The following CC2D2B variants were observed in gnomAD, a reference collection of about 807,000 sequenced individuals.
CC2D2B encodes the protein coiled-coil and C2 domain containing 2B.
Under a neutral mutation model 161.2 loss-of-function variants are expected in CC2D2B, and 128 were observed. That is an observed-to-expected ratio of 0.79 (90% confidence interval 0.69 to 0.92). The LOEUF (loss-of-function observed/expected upper bound fraction) is 0.92, where lower values mean the gene tolerates loss of function less well. Ranked by LOEUF, CC2D2B falls within the 40% of genes least tolerant of loss-of-function variation. The pLI, the probability that CC2D2B is intolerant of heterozygous loss-of-function variation, is 0.00. For synonymous variants in CC2D2B, 391 were observed against 449.8 expected (o/e 0.87, Z 1.65); for missense variants, 1,173 against 1,375.1 (o/e 0.85, Z 2.32).
At chr10:95,924,521 C>A (rs1590359634) in intron 4 of CC2D2B, 131 bp downstream of exon 4, 1 of 560,090 alleles carries the variant, frequency 1.8e-6, no homozygotes, top group Middle Eastern at 4.8e-4. Flanking sequence ...AAGTCTTCCT[C>A]TCTCTCTCTA....
rs183088212 is a variant in CC2D2B at position 96,014,991 on chromosome 10, C to A, written c.3516+1114C>A. 2.0e-3 allele frequency among the ~76,000 whole-genome samples: 310 copies of A among 152,224 alleles called. 2 individuals carry two copies. The highest frequency in any genetic ancestry group is 6.3e-3 in the African/African-American group (260 of 41,536). On this transcript the variant is annotated intron_variant, in intron 29 of 34. Coordinates refer to ENST00000646931, the MANE Select transcript of CC2D2B (RefSeq NM_001349008.3). ...ATAGTCATTGCCATGAGCTCTATAGCTCCCCACCCCTTATCCCCACCTCCC... is the reference window on the plus strand; with the variant it reads ...ATAGTCATTGCCATGAGCTCTATAGATCCCCACCCCTTATCCCCACCTCCC...
chr10:96,010,236 T>C (rs2078927532), intron 26 of CC2D2B, among the ~76,000 whole-genome samples: 1 of 152,334 alleles, frequency 6.6e-6, no homozygotes, highest in African/African-American at 2.4e-5. Context: ...TTTGTAATCA[T>C]GGGTACCAGG....
Position 95,966,236 on chromosome 10 carries a change from A to G in CC2D2B, c.1400A>G (p.Lys467Arg). The change falls in exon 14 of 35, where the codon AAG becomes AGG. Residue 467 changes from lysine (K) to arginine (R), a missense_variant. Coordinates refer to ENST00000646931, the MANE Select transcript of CC2D2B (RefSeq NM_001349008.3). ...ASDETEIERIKPITLRPQLSF... is the reference protein window; with the variant it reads ...ASDETEIERIRPITLRPQLSF... ...GACGAAACAGAAATTGAAAGAATAA[A>G]GCCAATTACCTTGAGGCCACAACTT... 4.9e-6 allele frequency: 6 copies of G among 1,228,834 alleles called. No individual in the cohort carries two copies. Among genetic ancestry groups the G allele is most frequent in the Non-Finnish European group, 6.1e-6 (6 of 985,244 alleles). 76.1% of individuals were successfully genotyped at this position (1,228,834 alleles called of 1,614,324 possible).
intron 17 of CC2D2B, among the ~76,000 whole-genome samples, chr10:95,976,656 G>A (rs943344465): frequency 1.3e-5 from 2 of 152,222 alleles, no homozygotes; most frequent in African/African-American, 4.8e-5. Context: ...CTGAAAGGCA[G>A]TTTTGTTACT....
At chr10:96,007,216 C>T (rs1234694093) in intron 25 of CC2D2B, among the ~76,000 whole-genome samples, 34 of 152,146 alleles carry the variant, frequency 2.2e-4, no homozygotes, top group Non-Finnish European at 1.5e-5. Flanking sequence ...TGTGTTATCC[C>T]TCTCTATGTG....
At position 95,974,081 on chromosome 10, in the gene CC2D2B, C is replaced by T. The variant is rs186301373; in HGVS notation, c.1868C>T (p.Ser623Phe). Residue 623 changes from serine to phenylalanine, a missense_variant, in exon 17 of 35, where the codon TCT becomes TTT. Around this residue, in one of 3 missense-constraint regions of CC2D2B, gnomAD observed 277 missense variants for 420.6 expected, o/e 0.66. Coordinates refer to ENST00000646931, the MANE Select transcript of CC2D2B (RefSeq NM_001349008.3). ...CLLTSGKLSYSLSWSLDENGL... is the reference protein window; with the variant it reads ...CLLTSGKLSYFLSWSLDENGL... ...TTGACATCAGGAAAACTTAGCTATT[C>T]TCTATCATGGAGCTTAGATGAAAAT... 1.6e-6 allele frequency: 2 copies of T among 1,230,248 alleles called. No homozygotes were observed. The highest frequency in any genetic ancestry group is 6.3e-5 in the East Asian group (2 of 31,674). The allele number at this position is 1,230,248 out of a possible 1,614,324, so 76.2% of individuals were successfully genotyped here. A position where few individuals can be genotyped will look rare whatever the true frequency, so the allele number is the denominator to read the frequency against.
intron 24 of CC2D2B, among the ~76,000 whole-genome samples, chr10:96,001,479 C>T (rs191837019): frequency 1.3e-5 from 2 of 152,018 alleles, no homozygotes; most frequent in African/African-American, 4.8e-5. Context: ...TATATAACCC[C>T]ACTAACAAAG....
chr10:95,926,763 T>G (rs1304546778), intron 5 of CC2D2B, among the ~76,000 whole-genome samples: 1 of 151,736 alleles, frequency 6.6e-6, no homozygotes, highest in African/African-American at 2.4e-5. Flanking sequence ...TATACCACTT[T>G]TCAGACTTTT....
At chr10:95,978,960 G>A (rs1226827793) in intron 17 of CC2D2B, among the ~76,000 whole-genome samples, 1 of 151,904 alleles carries the variant, frequency 6.6e-6, no homozygotes, top group Non-Finnish European at 1.5e-5. Context: ...GTTTTCATTT[G>A]CTTTTACATC....
intron 10 of CC2D2B, among the ~76,000 whole-genome samples, chr10:95,953,833 T>A (rs1009444021): frequency 2.6e-5 from 4 of 152,210 alleles, no homozygotes; most frequent in African/African-American, 9.6e-5. Flanking sequence ...GCTAACCAAG[T>A]GGCTGCTCCA....
At chr10:95,930,576 A>T (rs928155860) in intron 6 of CC2D2B, among the ~76,000 whole-genome samples, 1 of 152,066 alleles carries the variant, frequency 6.6e-6, no homozygotes, top group African/African-American at 2.4e-5. Context: ...TACCTAGTTT[A>T]TTGGGAGTTT....
rs190429412 is a variant in CC2D2B at position 95,994,137 on chromosome 10, G to A, written c.2643-1132G>A. On this transcript the variant is annotated intron_variant, in intron 22 of 34. Transcript: ENST00000646931. The stretch of plus-strand genomic sequence containing the variant: ...GGGACCACTACCACCAAGATGCAGA[G>A]ACCGGTGGTGGCCTCAAATGGCTGG... Among the ~76,000 whole-genome samples the A allele has an allele frequency of 5.0e-3, 751 of 150,628 alleles. 5 individuals are homozygous for A. Among genetic ancestry groups the A allele is most frequent in the African/African-American group, 0.018 (720 of 41,002 alleles).
chr10:96,003,848 G>C (rs1356707925), intron 24 of CC2D2B, among the ~76,000 whole-genome samples: 1 of 152,172 alleles, frequency 6.6e-6, no homozygotes, highest in Non-Finnish European at 1.5e-5. Context: ...CAGAATTTAA[G>C]ATAGTTGAAA....
chr10:96,026,350 G>C (rs1373015825), intron 33 of CC2D2B, among the ~76,000 whole-genome samples: 2 of 152,116 alleles, frequency 1.3e-5, no homozygotes, highest in African/African-American at 4.8e-5. Context: ...GGATATATAT[G>C]GGTAACAATG....
intron 10 of CC2D2B, chr10:95,952,296 G>A (rs2076429080): frequency 6.6e-6 from 1 of 152,176 alleles, no homozygotes; most frequent in African/African-American, 2.4e-5. Context: ...GCTCAGCTAT[G>A]CAGATTTCTG....
chr10:95,953,882 A>G (rs1051142377), intron 10 of CC2D2B, among the ~76,000 whole-genome samples: 1 of 152,232 alleles, frequency 6.6e-6, no homozygotes, highest in Non-Finnish European at 1.5e-5. Context: ...TATGCAGCGT[A>G]GTGTCTCACA....
intron 20 of CC2D2B, 94 bp from the exon 21 acceptor site, chr10:95,991,276 T>A: frequency 5.4e-6 from 2 of 372,126 alleles, no homozygotes; most frequent in Non-Finnish European, 9.4e-6. Flanking sequence ...TTGCAAAAAT[T>A]AGGAGTAAAA....
At chr10:95,993,849 T>TAG (rs1262050460) in intron 22 of CC2D2B, among the ~76,000 whole-genome samples, 2,000 of 101,806 alleles carry the variant, frequency 0.02, 46 homozygotes, top group Middle Eastern at 0.03. Context: ...TATATATATA[T>TAG]ATAGAGAGAG....
At chr10:95,976,056 C>T (rs559208634) in intron 17 of CC2D2B, among the ~76,000 whole-genome samples, 100 of 152,226 alleles carry the variant, frequency 6.6e-4, no homozygotes, top group Non-Finnish European at 1.0e-3. Context: ...ATTCTACAGA[C>T]GCATTTATAT....
Sources: allele counts gnomAD v4.1 joint callset (sites outside exome capture counted in the v4.1 genomes callset), GRCh38; gene constraint gnomAD v4.1.1; regional missense constraint gnomAD v4.1.1; transcripts MANE v1.5; gene names NCBI Gene and HGNC (gene_info 2026-07-23, HGNC 2026-07-21).